The following RECK variants were observed in gnomAD, a reference collection of about 807,000 sequenced individuals.
RECK encodes the protein reversion inducing cysteine rich protein with kazal motifs.
Under a neutral mutation model 115.1 loss-of-function variants are expected in RECK, and 69 were observed. The observed-to-expected ratio is 0.60, with a 90% CI of 0.49 to 0.73. The LOEUF (loss-of-function observed/expected upper bound fraction) is 0.73. Ranked by LOEUF, RECK falls within the 30% of genes least tolerant of loss-of-function variation. The pLI is 0.00. For synonymous variants in RECK, 414 were observed against 419.7 expected, an observed-to-expected ratio of 0.99 and a Z score of 0.17; for missense variants, 1,047 against 1,203.7, an observed-to-expected ratio of 0.87 and a Z score of 1.93.
At chr9:36,093,355 A>T (rs1468298256) in intron 10 of RECK, among the ~76,000 whole-genome samples, 1 of 152,214 alleles carries the variant, frequency 6.6e-6, no homozygotes, top group Admixed American at 6.5e-5. Context: ...GAGAAAAAAC[A>T]ATCATACCCA....
chr9:36,114,188 CTA>C (rs1824167109), intron 16 of RECK, among the ~76,000 whole-genome samples: 1 of 152,194 alleles, frequency 6.6e-6, no homozygotes, highest in South Asian at 2.1e-4. Flanking sequence ...ATTCCATTGT[CTA>C]GAACTCAGTC....
At chr9:36,112,983 CA>C (rs1187020379) in intron 16 of RECK, among the ~76,000 whole-genome samples, 1 of 151,878 alleles carries the variant, frequency 6.6e-6, no homozygotes, top group Non-Finnish European at 1.5e-5. Context: ...ACCTGATAGT[CA>C]GGGGAAATTT....
intron 4 of RECK, among the ~76,000 whole-genome samples, chr9:36,061,427 C>CACACACACACAT (rs1384062036): frequency 1.1e-4 from 16 of 151,662 alleles, no homozygotes; most frequent in Non-Finnish European, 2.1e-4. Flanking sequence ...CACACACACA[C>CACACACACACAT]ACACACACAC....
In RECK at chr9:36,064,783, C is replaced by T. The variant is rs181658493; in HGVS notation, c.358-794C>T. Among the ~76,000 whole-genome samples, 375 of 152,082 alleles carry T rather than the reference C, an allele frequency of 2.5e-3. 7 individuals are homozygous for T. Among genetic ancestry groups the T allele is most frequent in the Non-Finnish European group, 5.1e-4 (35 of 68,000 alleles). On this transcript the variant is annotated intron_variant, in intron 5 of 20. Transcript: ENST00000377966. ...CTGGCCCATTCTTCTTCTTGTTCTCCCTGTCCTCATCAGCTGGCCTGTTCT... is the reference window on the plus strand; with the variant it reads ...CTGGCCCATTCTTCTTCTTGTTCTCTCTGTCCTCATCAGCTGGCCTGTTCT...
At chr9:36,067,979 A>C (rs1822075407) in intron 6 of RECK, among the ~76,000 whole-genome samples, 1 of 152,168 alleles carries the variant, frequency 6.6e-6, no homozygotes, top group South Asian at 2.1e-4. Flanking sequence ...AGGAAAAGAG[A>C]AGACAGACCT....
chr9:36,121,571 T>A lies in RECK; in HGVS notation c.2577T>A (p.Leu859=). ...AGCCAATAACAGTTCTGGAAATACT[T>A]CAGAAAATCCGCATGCACGTGTCTG... is the stretch of plus-strand genomic sequence containing the variant. The part of the protein sequence containing the change: ...NKKPITVLEI[L]QKIRMHVSVP... Residue 859 remains leucine, a synonymous_variant, in exon 20 of 21, where the codon CTT becomes CTA. Coordinates refer to ENST00000377966, the MANE Select transcript of RECK (RefSeq NM_021111.3). The A allele has an allele frequency of 3.1e-6, 5 of 1,614,068 alleles. No individual in the cohort carries two copies. The highest frequency in any genetic ancestry group is 4.2e-6 in the Non-Finnish European group (5 of 1,179,946).
intron 17 of RECK, among the ~76,000 whole-genome samples, chr9:36,117,830 A>T (rs1012381446): frequency 6.6e-6 from 1 of 152,170 alleles, no homozygotes; most frequent in Non-Finnish European, 1.5e-5. Context: ...AAATACAAAA[A>T]TTAGCTGGGC....
At chr9:36,038,340 G>A (rs1820750483) in intron 1 of RECK, among the ~76,000 whole-genome samples, 1 of 152,092 alleles carries the variant, frequency 6.6e-6, no homozygotes, top group African/African-American at 2.4e-5. Context: ...ACTATAGCTA[G>A]GTTTCAAATT....
Position 36,052,315 on chromosome 9 carries a change from T to A in RECK, c.151T>A (p.Cys51Ser). 1 of 1,605,214 alleles carries A rather than the reference T, an allele frequency of 6.2e-7. No individual in the cohort carries two copies. Among genetic ancestry groups the A allele is most frequent in the Non-Finnish European group, 8.5e-7 (1 of 1,172,142 alleles). ...SKDNQMCRDV[C>S]EQIFSSKSES... ...GGATAACCAAATGTGCCGTGATGTA[T>A]GTGAACAGGTAAGATTACATAATAA... Residue 51 changes from cysteine to serine, a missense_variant, in exon 2 of 21, where the codon TGT becomes AGT. By Grantham distance (112) the Cys-to-Ser change is moderately radical (BLOSUM62 -1). Coordinates refer to ENST00000377966, the MANE Select transcript of RECK (RefSeq NM_021111.3).
chr9:36,120,051 G>C (rs918691302), intron 18 of RECK, among the ~76,000 whole-genome samples: 1 of 151,952 alleles, frequency 6.6e-6, no homozygotes, highest in African/African-American at 2.4e-5. Flanking sequence ...TGACTAACAC[G>C]GTGAAACCCT....
At chr9:36,095,849 T>C (rs1823312046) in intron 10 of RECK, among the ~76,000 whole-genome samples, 1 of 149,814 alleles carries the variant, frequency 6.7e-6, no homozygotes, top group African/African-American at 2.5e-5. Context: ...GGTGGGTGGA[T>C]CACCTGAGGT....
intron 10 of RECK, among the ~76,000 whole-genome samples, chr9:36,095,519 C>T (rs541768072): frequency 3.1e-4 from 47 of 152,332 alleles, no homozygotes; most frequent in African/African-American, 1.1e-3. Context: ...ACATTAAAAA[C>T]AAGGTAACTA....
chr9:36,075,892 C>T (rs1822427785), intron 6 of RECK, among the ~76,000 whole-genome samples: 1 of 150,688 alleles, frequency 6.6e-6, no homozygotes, highest in Non-Finnish European at 1.5e-5. Context: ...ATCCAAAATT[C>T]AAACCTGTAA....
At chr9:36,060,874 G>A (rs1418831288) in intron 4 of RECK, among the ~76,000 whole-genome samples, 1 of 152,032 alleles carries the variant, frequency 6.6e-6, no homozygotes, top group Admixed American at 6.5e-5. Flanking sequence ...GCCATCTGAA[G>A]CACAAATCCA....
Position 36,037,030 on chromosome 9 carries a change from C to A in RECK, c.32C>A (p.Ala11Glu). MATVRASLRG[A>E]LLLLLAVAGV... ...ACCGTCCGGGCCTCTCTGCGAGGTG[C>A]GCTGCTCCTTCTGCTGGCCGTGGCG... The change falls in exon 1 of 21, where the codon GCG becomes GAG. Residue 11 changes from alanine to glutamate, a missense_variant. Transcript: ENST00000377966. 1 of 1,421,216 alleles carries A rather than the reference C, an allele frequency of 7.0e-7. No homozygotes were observed. Among genetic ancestry groups the A allele is most frequent in the Non-Finnish European group, 9.2e-7 (1 of 1,083,722 alleles). The allele number at this position is 1,421,216 out of a possible 1,614,324, so 88.0% of individuals were successfully genotyped here.
At chr9:36,120,192 G>A (rs556072494) in intron 18 of RECK, among the ~76,000 whole-genome samples, 12 of 151,648 alleles carry the variant, frequency 7.9e-5, no homozygotes, top group African/African-American at 1.5e-4. Flanking sequence ...CCGAGATCGC[G>A]CCACTGCACT....
intron 6 of RECK, chr9:36,066,902 T>C (rs2274143): frequency 0.074 from 90,669 of 1,217,190 alleles, 3,944 homozygotes; most frequent in East Asian, 0.29. Flanking sequence ...ATGATAGAAA[T>C]ACTAAGAATA....
chr9:36,068,048 A>G (rs983618785), intron 6 of RECK, among the ~76,000 whole-genome samples: 1 of 152,194 alleles, frequency 6.6e-6, no homozygotes, highest in African/African-American at 2.4e-5. Flanking sequence ...CTAAAAAGAT[A>G]GCATTTTGAG....
chr9:36,078,019 T>TA (rs930710984), intron 6 of RECK, among the ~76,000 whole-genome samples: 5 of 134,460 alleles, frequency 3.7e-5, no homozygotes, highest in South Asian at 4.9e-4. Context: ...CCCTGTGTCT[T>TA]AAAAAAAATT....
Sources: gnomAD v4.1 joint callset for allele counts (sites outside exome capture counted in the v4.1 genomes callset) on GRCh38, gnomAD v4.1.1 for gene constraint, MANE v1.5 for transcripts, NCBI Gene and HGNC (gene_info 2026-07-23, HGNC 2026-07-21) for gene names.